ADAMTSL1: variants seen among roughly 807,000 people sequenced by gnomAD.
ADAMTSL1 encodes ADAMTS-like protein 1.
Under a neutral mutation model 201.8 loss-of-function variants are expected in ADAMTSL1, and 126 were observed. That is an observed-to-expected ratio of 0.62 (90% CI 0.54 to 0.72). ADAMTSL1 has a LOEUF of 0.72. Among genes scored for constraint, ADAMTSL1 ranks in the 30% least tolerant of loss-of-function variants. ADAMTSL1 has a pLI of 0.00. For missense variants in ADAMTSL1, 2,679 were observed against 2,277.8 expected, an observed-to-expected ratio of 1.18 and a Z score of -3.59; for synonymous variants, 1,121 against 903.4, an observed-to-expected ratio of 1.24 and a Z score of -4.32.
chr9:18,832,299 A>T (rs538986042), intron 23 of ADAMTSL1, among the ~76,000 whole-genome samples: 3 of 152,092 alleles, frequency 2.0e-5, no homozygotes, highest in Non-Finnish European at 4.4e-5. Context: ...TGGCCCTTTC[A>T]GACCACAGTG....
At chr9:18,703,607 C>G (rs1328000526) in intron 13 of ADAMTSL1, among the ~76,000 whole-genome samples, 1 of 149,692 alleles carries the variant, frequency 6.7e-6, no homozygotes, top group Non-Finnish European at 1.5e-5. Flanking sequence ...TGATAAAACT[C>G]TCATTTGGGA....
intron 2 of ADAMTSL1, among the ~76,000 whole-genome samples, chr9:18,363,008 C>G (rs1836595936): frequency 6.6e-6 from 1 of 152,180 alleles, no homozygotes; most frequent in African/African-American, 2.4e-5. Flanking sequence ...GATTGTCTTT[C>G]TAATTTAGAA....
At chr9:17,972,559 A>AT (rs1818254999) in intron 1 of ADAMTSL1, among the ~76,000 whole-genome samples, 1 of 151,740 alleles carries the variant, frequency 6.6e-6, no homozygotes, top group East Asian at 2.0e-4. Flanking sequence ...AATCCAGTCT[A>AT]CTGTTGTTGG....
At chr9:18,859,998 A>AATC (rs1371501812) in intron 23 of ADAMTSL1, among the ~76,000 whole-genome samples, 18 of 152,340 alleles carry the variant, frequency 1.2e-4, no homozygotes, top group African/African-American at 3.8e-4. Flanking sequence ...AAGATTTATT[A>AATC]ATCTGCCTAA....
At chr9:18,051,076 C>G (rs957165977) in intron 1 of ADAMTSL1, among the ~76,000 whole-genome samples, 1 of 152,108 alleles carries the variant, frequency 6.6e-6, no homozygotes, top group Non-Finnish European at 1.5e-5. Flanking sequence ...CCAAGGCGGG[C>G]AGATCATGAG....
In ADAMTSL1 at chr9:18,410,044, G is replaced by A. The variant is rs149644676; in HGVS notation, c.208-94785G>A. Among the ~76,000 whole-genome samples the A allele has an allele frequency of 8.0e-4, 122 of 151,772 alleles. 1 individual carries two copies. The highest frequency in any genetic ancestry group is 2.7e-3 in the African/African-American group (110 of 41,436). On this transcript the variant is annotated intron_variant, in intron 2 of 29. Transcript: ENST00000680146. ...TTAATATTTTAATATTGAGCTTGGC[G>A]TTTAATGTACACTTTTGTAGATACC...
Position 18,328,036 on chromosome 9 carries a change from A to G in ADAMTSL1, c.207+164055A>G, listed in dbSNP as rs1367940133. On this transcript the variant is annotated intron_variant, in intron 2 of 29. Coordinates refer to the ADAMTSL1 transcript ENST00000680146. ...TGGAAAGCTTGAATTAAGTAACAGG[A>G]CAAGATTCAAATAATGTTGTAGTAC... is the stretch of plus-strand genomic sequence containing the variant. 3.3e-5 allele frequency among the ~76,000 whole-genome samples: 5 copies of G among 152,362 alleles called. No individual in the cohort carries two copies. The Middle Eastern group carries it at 0.014, about 415-fold the overall frequency.
At chr9:18,107,215 C>G (rs969575857) in intron 1 of ADAMTSL1, among the ~76,000 whole-genome samples, 1 of 152,122 alleles carries the variant, frequency 6.6e-6, no homozygotes, top group African/African-American at 2.4e-5. Context: ...TAGAAGTGGT[C>G]CACATCTCAG....
intron 2 of ADAMTSL1, among the ~76,000 whole-genome samples, chr9:18,326,182 T>A (rs4582650): frequency 0.51 from 77,609 of 151,912 alleles, 20,169 homozygotes; most frequent in Admixed American, 0.62. Context: ...TTTGAAGGAG[T>A]CAAAAATATT....
rs550374361 is a variant in ADAMTSL1, at chr9:17,921,766, AT to A, written c.87+14853del. 2.5e-3 allele frequency among the ~76,000 whole-genome samples: 385 copies of A among 151,518 alleles called. 2 individuals are homozygous for A. Among genetic ancestry groups the A allele is most frequent in the African/African-American group, 8.9e-3 (368 of 41,364 alleles). The stretch of plus-strand genomic sequence containing the variant: ...CCTTTCTGCAAGTACAAATGTCAGA[AT>A]TTTTTTTTAGGGAAGAGATTCCGTG... On this transcript the variant is annotated intron_variant, in intron 1 of 29. Transcript: ENST00000680146.
At chr9:18,213,300 G>C (rs1414121878) in intron 2 of ADAMTSL1, among the ~76,000 whole-genome samples, 1 of 152,116 alleles carries the variant, frequency 6.6e-6, no homozygotes, top group East Asian at 1.9e-4. Context: ...GTAGGATCAC[G>C]CTCTTGATTC....
intron 15 of ADAMTSL1, among the ~76,000 whole-genome samples, chr9:18,752,882 T>C (rs1819543191): frequency 6.6e-6 from 1 of 152,216 alleles, no homozygotes; most frequent in Non-Finnish European, 1.5e-5. Flanking sequence ...AAATTTTCAG[T>C]CTTGCTAAGA....
intron 2 of ADAMTSL1, among the ~76,000 whole-genome samples, chr9:18,232,305 T>C (rs1244486500): frequency 6.6e-6 from 1 of 152,140 alleles, no homozygotes; most frequent in Non-Finnish European, 1.5e-5. Context: ...CCTTGCCGAA[T>C]TCAAATCTTT....
chr9:18,527,602 A>G (rs1348833176), intron 2 of ADAMTSL1, among the ~76,000 whole-genome samples: 1 of 152,146 alleles, frequency 6.6e-6, no homozygotes. Context: ...AGGTTGTTAA[A>G]TGACAGTTGA....
chr9:18,711,692 G>C (rs1299834825), intron 14 of ADAMTSL1, among the ~76,000 whole-genome samples: 1 of 152,246 alleles, frequency 6.6e-6, no homozygotes, highest in Non-Finnish European at 1.5e-5. Context: ...CATTGCCCAG[G>C]CTTGCTTAGG....
At chr9:18,649,370 A>C (rs1828043367) in intron 7 of ADAMTSL1, among the ~76,000 whole-genome samples, 1 of 152,096 alleles carries the variant, frequency 6.6e-6, no homozygotes, top group Middle Eastern at 3.4e-3. Flanking sequence ...GATCGTCTGA[A>C]GCCTTCTTCT....
At chr9:18,436,811 C>T (rs1819754662) in intron 2 of ADAMTSL1, among the ~76,000 whole-genome samples, 1 of 152,164 alleles carries the variant, frequency 6.6e-6, no homozygotes, top group Non-Finnish European at 1.5e-5. Flanking sequence ...TATTATACAG[C>T]ATTACCTGGA....
At chr9:18,126,131 A>C (rs574903192) in intron 1 of ADAMTSL1, among the ~76,000 whole-genome samples, 1 of 152,340 alleles carries the variant, frequency 6.6e-6, no homozygotes, top group Non-Finnish European at 1.5e-5. Flanking sequence ...ACTATTTCAC[A>C]AGATTCTGGT....
At chr9:18,288,953 G>A (rs186510835) in intron 2 of ADAMTSL1, among the ~76,000 whole-genome samples, 4 of 152,308 alleles carry the variant, frequency 2.6e-5, no homozygotes, top group Admixed American at 2.0e-4. Context: ...AGTCTTTCTA[G>A]CCTGTGGTTT....
Sources: allele counts gnomAD v4.1 joint callset (sites outside exome capture counted in the v4.1 genomes callset), GRCh38; gene constraint gnomAD v4.1.1; transcripts MANE v1.5; gene names NCBI Gene and HGNC (gene_info 2026-07-23, HGNC 2026-07-21).